CAT: variants seen among roughly 807,000 people sequenced by gnomAD.
The protein encoded by CAT is catalase, also known as epididymis secretory sperm binding protein.
In CAT, 43 loss-of-function variants were observed where a neutral mutation model predicts 59.0. The ratio of observed to expected loss-of-function variants is 0.73; its 90% CI spans 0.57 to 0.94. The LOEUF is 0.94. CAT is among the 40% of genes least tolerant of loss of function. The probability of loss-of-function intolerance (pLI) is 0.00; values close to 1 mark genes in which losing one functional copy is unlikely to be tolerated. For missense variants in CAT, 664 were observed against 682.9 expected, an observed-to-expected ratio of 0.97 and a Z score of 0.31; for synonymous variants, 218 against 230.9, an observed-to-expected ratio of 0.94 and a Z score of 0.51.
chr11:34,468,458 G>A, intron 11 of CAT, 63 bp downstream of exon 11: 1 of 1,156,162 alleles, frequency 8.6e-7, no homozygotes, highest in Non-Finnish European at 1.3e-6. Context: ...AGCTGTGTGG[G>A]AGAACCCTAA....
Position 34,449,278 on chromosome 11 carries a change from T to C in CAT, c.153T>C (p.Leu51=), listed in dbSNP as rs1179159052. The part of the protein sequence containing the change: ...VITVGPRGPL[L]VQDVVFTDEM... ...CAGTAGGGCCCCGTGGGCCCCTTCT[T>C]GTTCAGGATGTGGTTTTCACTGATG... Residue 51 remains leucine (L), a synonymous_variant, in exon 2 of 13, where the codon CTT becomes CTC. Coordinates refer to ENST00000241052, the MANE Select transcript of CAT (RefSeq NM_001752.4). The C allele has an allele frequency of 6.2e-7, 1 of 1,614,072 alleles. No individual in the cohort carries two copies. The highest frequency in any genetic ancestry group is 2.2e-5 in the East Asian group (1 of 44,876).
intron 11 of CAT, among the ~76,000 whole-genome samples, chr11:34,469,250 G>T (rs1277612688): frequency 1.3e-5 from 2 of 152,206 alleles, no homozygotes; most frequent in Non-Finnish European, 2.9e-5. Context: ...GTGTCCCAGA[G>T]CCTGGGTTCC....
intron 7 of CAT, 122 bp downstream of exon 7, chr11:34,456,324 C>A: frequency 3.8e-6 from 3 of 783,542 alleles, no homozygotes; most frequent in Non-Finnish European, 6.3e-6. Context: ...GAGGGTACCA[C>A]TTCAGAGTGT....
intron 4 of CAT, 69 bp from the exon 5 acceptor site, chr11:34,453,021 T>C (rs1463221146): frequency 2.2e-6 from 2 of 889,854 alleles, no homozygotes; most frequent in Non-Finnish European, 3.8e-6. Context: ...AATAGGCATA[T>C]ATAATGAAAG....
chr11:34,461,062 A>T, intron 8 of CAT, 189 bp from the exon 9 acceptor site: 1 of 705,484 alleles, frequency 1.4e-6, no homozygotes, highest in East Asian at 2.5e-5. Flanking sequence ...GAAATTCAGA[A>T]CTGTTCAGTT....
chr11:34,449,131 A>G lies in CAT; in HGVS notation c.67-61A>G, dbSNP rs17884576. ...CATTGCAAAGCTATGTACCCGTGAC[A>G]GTGTAAATGAAAGGTTTGATTGTGC... On this transcript the variant is annotated intron_variant, in intron 1 of 12. Coordinates refer to ENST00000241052, the MANE Select transcript of CAT (RefSeq NM_001752.4). 4.4e-3 allele frequency: 6,043 copies of G among 1,363,566 alleles called. 19 individuals carry two copies. The highest frequency in any genetic ancestry group is 8.5e-3 in the Middle Eastern group (41 of 4,816). The allele number at this position is 1,363,566 out of a possible 1,614,324, so 84.5% of individuals were successfully genotyped here.
rs1856490209 is a variant in CAT at position 34,449,041 on chromosome 11, G to A, written c.67-151G>A. 4 of 693,844 alleles carry A rather than the reference G, an allele frequency of 5.8e-6. No homozygotes were observed. In the East Asian group the frequency reaches 8.1e-5, roughly 14 times the overall value. The allele number at this position is 693,844 out of a possible 1,614,324, so 43.0% of individuals were successfully genotyped here. ...GCATCACTAAAAGTTTCAGGCAATGGCCCATCCTGTCAGATTTTAGTACTT... is the reference window on the plus strand; with the variant it reads ...GCATCACTAAAAGTTTCAGGCAATGACCCATCCTGTCAGATTTTAGTACTT... On this transcript the variant is annotated intron_variant, in intron 1 of 12. Coordinates refer to ENST00000241052, the MANE Select transcript of CAT (RefSeq NM_001752.4).
In CAT at chr11:34,461,391, T is replaced by C. The variant is rs749199303; in HGVS notation, c.1195+2T>C. ...CGATGTGCATGCAGGACAATCAGGG[T>C]AGGCCTAAAGACGTTGGGCTCCCCC... On this transcript the variant is annotated splice_donor_variant, in intron 9 of 12. Coordinates refer to ENST00000241052, the MANE Select transcript of CAT (RefSeq NM_001752.4). LOFTEE classifies it high-confidence loss of function. 2.5e-6 allele frequency: 4 copies of C among 1,614,036 alleles called. No individual in the cohort carries two copies. The African/African-American group carries it at 5.3e-5, about 22-fold the overall frequency.
At chr11:34,452,444 T>C (rs1856535125) in intron 4 of CAT, among the ~76,000 whole-genome samples, 1 of 152,174 alleles carries the variant, frequency 6.6e-6, no homozygotes, top group African/African-American at 2.4e-5. Flanking sequence ...AGTTTAGTTT[T>C]CCTTGCAGAG....
At chr11:34,443,439 C>T (rs917518910) in intron 1 of CAT, among the ~76,000 whole-genome samples, 1 of 152,218 alleles carries the variant, frequency 6.6e-6, no homozygotes, top group East Asian at 1.9e-4. Flanking sequence ...TTCTTTTTCT[C>T]TCTTGGCAGG....
chr11:34,458,852 A>C (rs565225019), intron 8 of CAT, among the ~76,000 whole-genome samples: 1 of 152,252 alleles, frequency 6.6e-6, no homozygotes, highest in South Asian at 2.1e-4. Context: ...TATTCTCTAC[A>C]TTCCTAAGAA....
rs1856593092 is a variant in CAT at position 34,456,665 on chromosome 11, G to A, written c.904G>A (p.Val302Ile). The change falls in exon 8 of 13, where the codon GTT becomes ATT. Residue 302 changes from valine to isoleucine, a missense_variant and splice_region_variant. By Grantham distance (29) the Val-to-Ile change is conservative. Coordinates refer to ENST00000241052, the MANE Select transcript of CAT (RefSeq NM_001752.4). Reference sequence around the variant, plus strand: ...ATTGTGAATATGACATCATTTTCAGGTTTGGCCTCACAAGGACTACCCTCT... The same window carrying A: ...ATTGTGAATATGACATCATTTTCAGATTTGGCCTCACAAGGACTACCCTCT... Reference protein sequence around the residue: ...FPFNPFDLTKVWPHKDYPLIP... With the variant: ...FPFNPFDLTKIWPHKDYPLIP... 3 of 1,613,970 alleles carry A rather than the reference G, an allele frequency of 1.9e-6. No individual in the cohort carries two copies. The highest frequency in any genetic ancestry group is 2.5e-6 in the Non-Finnish European group (3 of 1,179,858).
chr11:34,461,916 G>A (rs1856656405), intron 9 of CAT, among the ~76,000 whole-genome samples: 2 of 152,204 alleles, frequency 1.3e-5, no homozygotes, highest in Admixed American at 1.3e-4. Context: ...GAGAGTAGGG[G>A]AGGCAGAGCA....
intron 8 of CAT, among the ~76,000 whole-genome samples, chr11:34,458,521 C>A (rs1443088857): frequency 6.6e-6 from 1 of 152,134 alleles, no homozygotes; most frequent in Non-Finnish European, 1.5e-5. Context: ...GTAGAGGAAG[C>A]CAAAACAAGG....
chr11:34,458,466 G>C lies in CAT; in HGVS notation c.1056+1649G>C, dbSNP rs369219149. ...ATTGGGAATAGCAAAAGGAAAGTCA[G>C]GCAGTTCTCAGAGGAAAAGCAGAAG... is the stretch of plus-strand genomic sequence containing the variant. On this transcript the variant is annotated intron_variant, in intron 8 of 12. Transcript: ENST00000241052. Among the ~76,000 whole-genome samples, 18 of 152,336 alleles carry C rather than the reference G, an allele frequency of 1.2e-4. No homozygotes were observed. The East Asian group carries it at 3.5e-3, about 29-fold the overall frequency.
intron 10 of CAT, among the ~76,000 whole-genome samples, chr11:34,466,495 G>A (rs1856718618): frequency 6.6e-6 from 1 of 152,034 alleles, no homozygotes; most frequent in South Asian, 2.1e-4. Flanking sequence ...GAAAATAGAT[G>A]GGCTGGGCGC....
intron 9 of CAT, among the ~76,000 whole-genome samples, chr11:34,462,458 CT>C (rs1856662524): frequency 6.6e-6 from 1 of 152,194 alleles, no homozygotes; most frequent in East Asian, 1.9e-4. Flanking sequence ...CAGAGTCTCA[CT>C]CTGTTGCCCA....
In CAT at chr11:34,451,103, G is replaced by A; in HGVS notation, c.349+5G>A. 1 of 1,562,050 alleles carries A rather than the reference G, an allele frequency of 6.4e-7. No individual in the cohort carries two copies. The highest frequency in any genetic ancestry group is 8.8e-7 in the Non-Finnish European group (1 of 1,132,256). ...CAGTTCGGTTCTCCACTGTTGGTAA[G>A]TTGGTTTATTGGCGTGATTGGTATG... On this transcript the variant is annotated splice_donor_5th_base_variant and intron_variant, in intron 3 of 12. Coordinates refer to ENST00000241052, the MANE Select transcript of CAT (RefSeq NM_001752.4).
intron 11 of CAT, among the ~76,000 whole-genome samples, chr11:34,469,826 C>T (rs1051176394): frequency 1.1e-4 from 16 of 152,018 alleles, no homozygotes; most frequent in Non-Finnish European, 1.6e-4. Context: ...CCACCATGCC[C>T]GACTAATTTT....
Sources: allele counts gnomAD v4.1 joint callset (sites outside exome capture counted in the v4.1 genomes callset), GRCh38; gene constraint gnomAD v4.1.1; transcripts MANE v1.5; gene names NCBI Gene and HGNC (gene_info 2026-07-23, HGNC 2026-07-21).